Variants in ITGAV observed in about 807,000 individuals in gnomAD.
ITGAV encodes integrin alpha-V.
ITGAV carries 76 observed loss-of-function variants against 143.8 expected under a neutral mutation model. The observed-to-expected ratio is 0.53, with a 90% CI of 0.44 to 0.64. The LOEUF (loss-of-function observed/expected upper bound fraction) is 0.64, where lower values mean the gene tolerates loss of function less well. Ranked by LOEUF, ITGAV falls within the 30% of genes least tolerant of loss-of-function variation. The pLI is 0.00. For synonymous variants in ITGAV, 453 were observed against 446.7 expected (o/e 1.01, Z -0.18); for missense variants, 1,193 against 1,274.7 (o/e 0.94, Z 0.98).
rs551013621 is a variant in ITGAV at position 186,618,472 on chromosome 2, T to C, written c.317-3867T>C. Among the ~76,000 whole-genome samples, 5 of 152,356 alleles carry C rather than the reference T, an allele frequency of 3.3e-5. No individual in the cohort carries two copies. The South Asian group carries it at 8.3e-4, about 25-fold the overall frequency. On this transcript the variant is annotated intron_variant, in intron 2 of 29. Transcript: ENST00000261023. The stretch of plus-strand genomic sequence containing the variant: ...ACCCTGATGTCCACAAAGACAGATA[T>C]CCATAACTGTTAAGGCAAGGGATGT...
intron 4 of ITGAV, among the ~76,000 whole-genome samples, chr2:186,627,766 G>A (rs961033773): frequency 1.3e-5 from 2 of 152,006 alleles, no homozygotes; most frequent in African/African-American, 2.4e-5. Context: ...TTTACTGTTC[G>A]GCTTTTTACA....
chr2:186,642,535 CTT>C (rs35034170), intron 12 of ITGAV, among the ~76,000 whole-genome samples: 109 of 113,134 alleles, frequency 9.6e-4, no homozygotes, highest in Admixed American at 1.1e-3. Context: ...TCTTTTTTTT[CTT>C]TTTTTTTTTT....
intron 20 of ITGAV, among the ~76,000 whole-genome samples, chr2:186,664,874 A>G (rs771895867): frequency 2.6e-5 from 4 of 152,196 alleles, no homozygotes; most frequent in Admixed American, 6.5e-5. Context: ...GGTTAGATAG[A>G]TAAAGTGTCT....
At chr2:186,646,288 T>C (rs759726374) in intron 12 of ITGAV, among the ~76,000 whole-genome samples, 3 of 152,190 alleles carry the variant, frequency 2.0e-5, no homozygotes, top group African/African-American at 4.8e-5. Flanking sequence ...AAATAAACTT[T>C]AGATGAATCT....
chr2:186,632,981 C>CTAGA (rs56050855), intron 5 of ITGAV, among the ~76,000 whole-genome samples: 2,191 of 150,154 alleles, frequency 0.015, 53 homozygotes, highest in African/African-American at 0.048. Flanking sequence ...TTAATATATA[C>CTAGA]TAGATAGATA....
At chr2:186,650,401 T>G (rs1344839001) in intron 14 of ITGAV, among the ~76,000 whole-genome samples, 1 of 152,008 alleles carries the variant, frequency 6.6e-6, no homozygotes, top group Non-Finnish European at 1.5e-5. Context: ...GGTTTTGCCA[T>G]GTTGGCCAAG....
At chr2:186,668,695 TGTAGG>T (rs1688981445) in intron 24 of ITGAV, 62 bp from the exon 25 acceptor site, 3 of 1,362,696 alleles carry the variant, frequency 2.2e-6, no homozygotes, top group Admixed American at 4.0e-5. Flanking sequence ...CTAAAGTTGA[TGTAGG>T]GGAAGGATTA....
Position 186,678,900 on chromosome 2 carries a change from G to A in ITGAV, c.*1608G>A, listed in dbSNP as rs202067390. ...CCATATCTCATAATTTCATGCACAA[G>A]TTGACTGAGCTAATCTTGAGAATAT... On this transcript the variant is annotated 3_prime_UTR_variant, in exon 30 of 30. Transcript: ENST00000261023. 4.5e-5 allele frequency: 17 copies of A among 375,596 alleles called. No individual in the cohort carries two copies. The highest frequency in any genetic ancestry group is 1.0e-4 in the South Asian group (5 of 48,222). 23.3% of individuals were successfully genotyped at this position (375,596 alleles called of 1,614,324 possible).
At chr2:186,645,047 T>A (rs1688216200) in intron 12 of ITGAV, among the ~76,000 whole-genome samples, 1 of 152,228 alleles carries the variant, frequency 6.6e-6, no homozygotes, top group Non-Finnish European at 1.5e-5. Context: ...AGATACGACA[T>A]GTCCTTGGTC....
At chr2:186,675,101 T>C (rs982854994) in intron 26 of ITGAV, among the ~76,000 whole-genome samples, 1 of 152,212 alleles carries the variant, frequency 6.6e-6, no homozygotes, top group Non-Finnish European at 1.5e-5. Context: ...TTTATTTCTT[T>C]TGGCTGCCAA....
At chr2:186,622,469 C>A in intron 3 of ITGAV, 39 bp downstream of exon 3, 1 of 1,323,444 alleles carries the variant, frequency 7.6e-7, no homozygotes, top group South Asian at 1.2e-5. Flanking sequence ...TGATTTTAGT[C>A]AGTTTATGTG....
rs371891831 is a variant in ITGAV, at chr2:186,663,716, T to C, written c.1858-52T>C. On this transcript the variant is annotated intron_variant, in intron 18 of 29. Transcript: ENST00000261023. ...CATAGATATTGATAAACACTGCTTA[T>C]GCCACCTGCATTGGTATTTTTCATG... is the stretch of plus-strand genomic sequence containing the variant. 4.7e-6 allele frequency: 6 copies of C among 1,280,008 alleles called. No homozygotes were observed. The African/African-American group carries it at 7.3e-5, about 16-fold the overall frequency. 79.3% of individuals were successfully genotyped at this position (1,280,008 alleles called of 1,614,324 possible).
At position 186,669,776 on chromosome 2, in the gene ITGAV, C is replaced by T. The variant is rs199887925; in HGVS notation, c.2668C>T (p.Arg890Trp). 1.7e-5 allele frequency: 27 copies of T among 1,613,830 alleles called. No individual in the cohort carries two copies. Among genetic ancestry groups the T allele is most frequent in the African/African-American group, 2.7e-5 (2 of 74,914 alleles). ...QGERDHLITK[R>W]DLALSEGDIH... ...TGAGCGGGACCATCTCATCACTAAG[C>T]GGGATCTTGCCCTCAGTGAAGGAGA... is the stretch of plus-strand genomic sequence containing the variant. The change falls in exon 26 of 30, where the codon CGG becomes TGG. Residue 890 changes from arginine (R) to tryptophan (W), a missense_variant. Physicochemically the swap from Arg to Trp is moderately radical, Grantham distance 101. Coordinates refer to ENST00000261023, the MANE Select transcript of ITGAV (RefSeq NM_002210.5).
chr2:186,665,211 G>A lies in ITGAV; in HGVS notation c.2159G>A (p.Gly720Glu). ...VCDLGNPMKA[G>E]TQLLAGLRFS... ...GACCTTGGAAACCCAATGAAGGCTG[G>A]AACTCAAGTAAGACAATTTAATTAA... Residue 720 changes from glycine to glutamate, a missense_variant, in exon 21 of 30, where the codon GGA becomes GAA. By Grantham distance (98) the Gly-to-Glu change is moderately conservative. Transcript: ENST00000261023. The A allele has an allele frequency of 6.2e-7, 1 of 1,603,864 alleles. No homozygotes were observed. Among genetic ancestry groups the A allele is most frequent in the African/African-American group, 1.3e-5 (1 of 74,686 alleles).
chr2:186,670,444 G>T (rs1022217139), intron 26 of ITGAV, among the ~76,000 whole-genome samples: 70 of 152,148 alleles, frequency 4.6e-4, no homozygotes, highest in African/African-American at 1.6e-3. Context: ...AGGACTATAG[G>T]CGCTCTCCCC....
chr2:186,641,789 T>A (rs1688111179), intron 12 of ITGAV: 1 of 564,104 alleles, frequency 1.8e-6, no homozygotes, highest in Non-Finnish European at 3.2e-6. Flanking sequence ...AATAATGGAC[T>A]CTCATGAGTT....
At position 186,669,834 on chromosome 2, in the gene ITGAV, T is replaced by A. The variant is rs202182792; in HGVS notation, c.2706+20T>A. On this transcript the variant is annotated intron_variant, in intron 26 of 29. Transcript: ENST00000261023. The stretch of plus-strand genomic sequence containing the variant: ...ACTTTGGTAAGTGCCATTTCAAATA[T>A]GTGCACCATAGACATTTAAAAATAT... 11 of 1,469,292 alleles carry A rather than the reference T, an allele frequency of 7.5e-6. No individual in the cohort carries two copies. The highest frequency in any genetic ancestry group is 1.7e-5 in the Admixed American group (1 of 59,342). 91.0% of individuals were successfully genotyped at this position (1,469,292 alleles called of 1,614,324 possible).
At chr2:186,600,337 G>A in intron 1 of ITGAV, 1 of 1,350,790 alleles carries the variant, frequency 7.4e-7, no homozygotes, top group Middle Eastern at 1.8e-4. Context: ...ATACACAAAT[G>A]CTCCTAGGCA....
At chr2:186,663,887 C>A in intron 19 of ITGAV, 52 bp downstream of exon 19, 1 of 1,206,520 alleles carries the variant, frequency 8.3e-7, no homozygotes, top group Non-Finnish European at 1.2e-6. Context: ...TGGAAGGGCA[C>A]ATTTTTCTAT....
Sources: allele counts gnomAD v4.1 joint callset (sites outside exome capture counted in the v4.1 genomes callset), GRCh38; gene constraint gnomAD v4.1.1; transcripts MANE v1.5; gene names NCBI Gene and HGNC (gene_info 2026-07-23, HGNC 2026-07-21).